The following CFTR variants were observed in gnomAD, a reference collection of about 807,000 sequenced individuals.
CFTR encodes cystic fibrosis transmembrane conductance regulator.
CFTR carries 181 observed loss-of-function variants against 171.6 expected under a neutral mutation model. The ratio of observed to expected loss-of-function variants is 1.05; its 90% CI spans 0.93 to 1.19. CFTR has a LOEUF of 1.19. CFTR is among the 50% of genes most tolerant of loss of function. The pLI is 0.00. For missense variants in CFTR, 1,968 were observed against 1,734.7 expected, an observed-to-expected ratio of 1.13 and a Z score of -2.39; for synonymous variants, 583 against 608.0, an observed-to-expected ratio of 0.96 and a Z score of 0.60.
intron 3 of CFTR, among the ~76,000 whole-genome samples, chr7:117,520,772 C>A (rs774648101): frequency 4.0e-5 from 6 of 151,792 alleles, no homozygotes; most frequent in Admixed American, 6.6e-5. Flanking sequence ...TCATTTTATT[C>A]ATTGATTCAA....
In CFTR at chr7:117,594,910, G is replaced by A; in HGVS notation, c.2491-20G>A. The A allele has an allele frequency of 6.2e-7, 1 of 1,610,900 alleles. No homozygotes were observed. Among genetic ancestry groups the A allele is most frequent in the East Asian group, 2.2e-5 (1 of 44,658 alleles). On this transcript the variant is annotated intron_variant, in intron 14 of 26. Transcript: ENST00000003084. ...GAAACTGTACTGTCTTATTGTAATA[G>A]CCATAATTCTTTTATTCAGGAGTGC...
rs577153462 is a variant in CFTR, at chr7:117,569,512, G to A, written c.1584+9857G>A. 1.4e-4 allele frequency among the ~76,000 whole-genome samples: 21 copies of A among 152,174 alleles called. 1 individual carries two copies. The highest frequency in any genetic ancestry group is 4.6e-4 in the African/African-American group (19 of 41,540). On this transcript the variant is annotated intron_variant, in intron 11 of 26. Transcript: ENST00000003084. ...AGAAAATGAATTAAAAATATTCAAA[G>A]CATTCAACATATACAAATGCGCTCA...
At chr7:117,497,719 T>C (rs1798261228) in intron 1 of CFTR, among the ~76,000 whole-genome samples, 1 of 152,156 alleles carries the variant, frequency 6.6e-6, no homozygotes, top group Admixed American at 6.6e-5. Flanking sequence ...ACAACCATGT[T>C]GAGAAAGAAA....
chr7:117,611,531 C>T (rs531968085), intron 19 of CFTR, 50 bp from the exon 20 acceptor site: 21 of 1,052,578 alleles, frequency 2.0e-5, no homozygotes, highest in Admixed American at 3.7e-5. Flanking sequence ...TATGAAATTA[C>T]ATTTTGTGTT....
intron 4 of CFTR, 41 bp downstream of exon 4, chr7:117,531,155 G>A (rs972514866): frequency 8.3e-6 from 12 of 1,448,914 alleles, no homozygotes; most frequent in South Asian, 1.2e-5. Context: ...CATATATTCT[G>A]TATCGTACAT....
chr7:117,548,510 C>T, intron 9 of CFTR, 131 bp from the exon 10 acceptor site: 1 of 1,488,030 alleles, frequency 6.7e-7, no homozygotes, highest in Non-Finnish European at 9.1e-7. Context: ...ATAATGTATA[C>T]AGTGTAATGG....
intron 21 of CFTR, among the ~76,000 whole-genome samples, chr7:117,624,570 G>A (rs1008052025): frequency 1.3e-5 from 2 of 152,118 alleles, no homozygotes; most frequent in African/African-American, 4.8e-5. Flanking sequence ...ATTGAGGCAC[G>A]GGCCTCCTTT....
intron 11 of CFTR, among the ~76,000 whole-genome samples, chr7:117,570,191 CT>C (rs956463246): frequency 7.1e-6 from 1 of 140,722 alleles, no homozygotes; most frequent in African/African-American, 2.7e-5. Context: ...CATCTCCTTA[CT>C]TAAAAAAAAA....
At chr7:117,519,347 T>A (rs920167047) in intron 3 of CFTR, among the ~76,000 whole-genome samples, 2 of 152,076 alleles carry the variant, frequency 1.3e-5, no homozygotes, top group African/African-American at 4.8e-5. Context: ...AAAACTATTG[T>A]CAGACTCTGC....
At chr7:117,570,220 C>CA (rs1584803053) in intron 11 of CFTR, among the ~76,000 whole-genome samples, 1 of 148,470 alleles carries the variant, frequency 6.7e-6, no homozygotes, top group African/African-American at 2.5e-5. Context: ...AACAAAAAAA[C>CA]AAAAAACCCG....
intron 24 of CFTR, among the ~76,000 whole-genome samples, chr7:117,655,673 A>G (rs903271674): frequency 1.3e-5 from 2 of 152,130 alleles, no homozygotes; most frequent in African/African-American, 4.8e-5. Context: ...CACATTGAGT[A>G]TTTGTTACAG....
intron 11 of CFTR, among the ~76,000 whole-genome samples, chr7:117,575,700 C>T (rs1053248629): frequency 6.6e-6 from 1 of 152,066 alleles, no homozygotes; most frequent in Admixed American, 6.6e-5. Context: ...AGCCTTCTAC[C>T]CTTCTTTCCT....
chr7:117,659,412 T>C (rs575879611), intron 24 of CFTR, among the ~76,000 whole-genome samples: 5 of 152,334 alleles, frequency 3.3e-5, no homozygotes, highest in Admixed American at 2.0e-4. Flanking sequence ...TAGTCTTGCA[T>C]ACATGGATGG....
chr7:117,556,127 C>T (rs140578355), intron 10 of CFTR, among the ~76,000 whole-genome samples: 25 of 152,058 alleles, frequency 1.6e-4, no homozygotes, highest in African/African-American at 5.5e-4. Context: ...CACAGTGGTG[C>T]GATCTCGGCT....
chr7:117,613,742 A>G (rs1207710105), intron 20 of CFTR, among the ~76,000 whole-genome samples: 3 of 152,134 alleles, frequency 2.0e-5, no homozygotes, highest in Admixed American at 2.0e-4. Context: ...AGAAACAAAA[A>G]TTTCAATTAA....
At chr7:117,599,437 G>C (rs1006256113) in intron 15 of CFTR, among the ~76,000 whole-genome samples, 2 of 152,048 alleles carry the variant, frequency 1.3e-5, no homozygotes, top group African/African-American at 4.8e-5. Flanking sequence ...ACTAAACCAA[G>C]AAAACAGTGG....
intron 15 of CFTR, among the ~76,000 whole-genome samples, chr7:117,596,543 G>A (rs1792129629): frequency 6.6e-6 from 1 of 152,252 alleles, no homozygotes; most frequent in South Asian, 2.1e-4. Context: ...GCCCCAGTGC[G>A]GGATCCACTG....
At chr7:117,563,872 A>C (rs976741204) in intron 11 of CFTR, among the ~76,000 whole-genome samples, 1 of 152,158 alleles carries the variant, frequency 6.6e-6, no homozygotes, top group African/African-American at 2.4e-5. Context: ...GAACTGATTT[A>C]GGCTTCCTTA....
chr7:117,540,431 C>T (rs549092324), intron 8 of CFTR, 85 bp downstream of exon 8: 364 of 1,306,210 alleles, frequency 2.8e-4, no homozygotes, highest in Non-Finnish European at 3.6e-4. Context: ...CAAAAATGTG[C>T]GAAAAGATAG....
Sources: gnomAD v4.1 joint callset for allele counts (sites outside exome capture counted in the v4.1 genomes callset) on GRCh38, gnomAD v4.1.1 for gene constraint, MANE v1.5 for transcripts, NCBI Gene and HGNC (gene_info 2026-07-23, HGNC 2026-07-21) for gene names.